WDR37: variants seen among roughly 807,000 people sequenced by gnomAD.
WDR37 encodes the protein WD repeat-containing protein 37.
WDR37 carries 19 observed loss-of-function variants against 62.9 expected under a neutral mutation model. The ratio of observed to expected loss-of-function variants is 0.30; its 90% confidence interval spans 0.21 to 0.44. WDR37 has a LOEUF of 0.44. Among genes scored for constraint, WDR37 ranks in the 20% least tolerant of loss-of-function variants. The pLI, the probability that WDR37 is intolerant of heterozygous loss-of-function variation, is 1.00. For missense variants in WDR37, 474 were observed against 657.6 expected (o/e 0.72, Z 3.05); for synonymous variants, 250 against 260.9 (o/e 0.96, Z 0.40).
At position 1,067,000 on chromosome 10, in the gene WDR37, C is replaced by T. The variant is rs182361025; in HGVS notation, c.-40-5116C>T. ...GCCCCTCCATGATTCAGTTACCTCC[C>T]ACTGGGTCCCTCCCACAACACATTG... On this transcript the variant is annotated intron_variant, in intron 1 of 13. Coordinates refer to ENST00000263150, the MANE Select transcript of WDR37 (RefSeq NM_014023.4). Among the ~76,000 whole-genome samples the T allele has an allele frequency of 1.6e-3, 248 of 152,324 alleles. 1 individual carries two copies. The highest frequency in any genetic ancestry group is 5.6e-3 in the African/African-American group (232 of 41,568).
At chr10:1,074,256 T>A in intron 2 of WDR37, 1 of 1,062,598 alleles carries the variant, frequency 9.4e-7, no homozygotes. Context: ...CCTGCTGGCA[T>A]GTTCTAGAGT....
intron 5 of WDR37, among the ~76,000 whole-genome samples, 179 bp downstream of exon 5, chr10:1,080,655 C>G (rs1833998908): frequency 6.6e-6 from 1 of 152,164 alleles, no homozygotes; most frequent in African/African-American, 2.4e-5. Context: ...CTTGTAATCC[C>G]AGCACTTTGG....
In WDR37 at chr10:1,056,795, C is replaced by G. The variant is rs533157869; in HGVS notation, c.-214C>G. 6.6e-6 allele frequency: 1 copy of G among 152,158 alleles called. No individual in the cohort carries two copies. Among genetic ancestry groups the G allele is most frequent in the East Asian group, 1.9e-4 (1 of 5,160 alleles). 9.4% of individuals were successfully genotyped at this position (152,158 alleles called of 1,614,324 possible). A position where few individuals can be genotyped will look rare whatever the true frequency, so the allele number is the denominator to read the frequency against. Reference sequence around the variant, plus strand: ...CGGCGCGGGACTGGGGCGGGACTTCCGGCGACACCGGAAGTGCATTAGCGC... The same window carrying G: ...CGGCGCGGGACTGGGGCGGGACTTCGGGCGACACCGGAAGTGCATTAGCGC... On this transcript the variant is annotated 5_prime_UTR_variant, in exon 1 of 14. Transcript: ENST00000263150.
rs745381967 is a variant in WDR37 at position 1,103,810 on chromosome 10, C to A, written c.935C>A (p.Thr312Lys). ...ACGGCAAACCTGTACGACGTGGAGA[C>A]GTCCGAGCTCGTTCACTCTCTGACA... is the stretch of plus-strand genomic sequence containing the variant. ...DRTANLYDVE[T>K]SELVHSLTGH... The change falls in exon 10 of 14, where the codon ACG (threonine) becomes AAG (lysine). Residue 312 changes from threonine to lysine, a missense_variant. Transcript: ENST00000263150. The surrounding 1 kb of genome is among the most constrained non-coding windows in gnomAD (Gnocchi z 6.3). The A allele has an allele frequency of 3.1e-6, 5 of 1,614,074 alleles. No individual in the cohort carries two copies. The African/African-American group carries it at 6.7e-5, about 22-fold the overall frequency.
intron 1 of WDR37, among the ~76,000 whole-genome samples, chr10:1,069,056 A>G (rs1161601119): frequency 6.6e-6 from 1 of 152,102 alleles, no homozygotes; most frequent in Non-Finnish European, 1.5e-5. Context: ...GGTGGGAGAA[A>G]TGAGGAGTGA....
chr10:1,078,194 C>T (rs1013506402), intron 3 of WDR37, among the ~76,000 whole-genome samples, 191 bp downstream of exon 3: 6 of 151,840 alleles, frequency 4.0e-5, no homozygotes, highest in African/African-American at 1.5e-4. Context: ...ACGAGGACTC[C>T]GTCTCAAAAG....
chr10:1,098,217 C>G (rs1834660378), intron 9 of WDR37, among the ~76,000 whole-genome samples: 1 of 152,032 alleles, frequency 6.6e-6, no homozygotes, highest in African/African-American at 2.4e-5. Flanking sequence ...AGGGGATGCC[C>G]TGATCCCATA....
At position 1,124,925 on chromosome 10, in the gene WDR37, C is replaced by G. The variant is rs370553333; in HGVS notation, c.1254C>G (p.Val418=). The change falls in exon 13 of 14, where the codon GTC becomes GTG. Residue 418 remains valine, a synonymous_variant. Transcript: ENST00000263150. Reference sequence around the variant, plus strand: ...TTCTTTGCAGGATCAATGTATGTGTCGGCCAAAAAATCATAGCCCTCCCCC... The same window carrying G: ...TTCTTTGCAGGATCAATGTATGTGTGGGCCAAAAAATCATAGCCCTCCCCC... ...DSAINRINVC[V]GQKIIALPHD... is the part of the protein sequence containing the mutation. 1.2e-6 allele frequency: 2 copies of G among 1,614,112 alleles called. No homozygotes were observed. The highest frequency in any genetic ancestry group is 2.7e-5 in the African/African-American group (2 of 75,010).
In WDR37 at chr10:1,056,878, G is replaced by C. The variant is rs1833193287; in HGVS notation, c.-131G>C. On this transcript the variant is annotated 5_prime_UTR_variant, in exon 1 of 14. Transcript: ENST00000263150. ...AGACAGCGGTGTCCTGCGCGTCTTC[G>C]GGTCAGTACGGGGGGCCGCGTCGTA... 1 of 152,200 alleles carries C rather than the reference G, an allele frequency of 6.6e-6. No homozygotes were observed. The highest frequency in any genetic ancestry group is 6.5e-5 in the Admixed American group (1 of 15,274). The allele number at this position is 152,200 out of a possible 1,614,324, so 9.4% of individuals were successfully genotyped here.
rs117832581 is a variant in WDR37, at chr10:1,084,151, G to A, written c.397-252G>A. On this transcript the variant is annotated intron_variant, in intron 5 of 13. Coordinates refer to ENST00000263150, the MANE Select transcript of WDR37 (RefSeq NM_014023.4). Reference sequence around the variant, plus strand: ...GCAGTGAGACCTTCCATGCCTGGCTGTCAGACTGAGGTGGGGGAGCCTGCA... The same window carrying A: ...GCAGTGAGACCTTCCATGCCTGGCTATCAGACTGAGGTGGGGGAGCCTGCA... Among the ~76,000 whole-genome samples, 49 of 152,312 alleles carry A rather than the reference G, an allele frequency of 3.2e-4. 2 individuals carry two copies. The East Asian group carries it at 9.3e-3, about 29-fold the overall frequency.
At chr10:1,108,738 T>TCC (rs1491455688) in intron 11 of WDR37, among the ~76,000 whole-genome samples, 1,022 of 59,568 alleles carry the variant, frequency 0.017, 52 homozygotes, top group East Asian at 0.033. Flanking sequence ...GCTTCTGTGA[T>TCC]GCCCCCCCCC....
intron 1 of WDR37, among the ~76,000 whole-genome samples, chr10:1,065,195 C>G (rs902320251): frequency 2.6e-5 from 4 of 152,096 alleles, no homozygotes; most frequent in Non-Finnish European, 5.9e-5. Context: ...GAATTTGAAG[C>G]ATAACCGTGG....
intron 2 of WDR37, among the ~76,000 whole-genome samples, chr10:1,073,743 G>T (rs1198630731): frequency 1.3e-5 from 2 of 152,162 alleles, no homozygotes; most frequent in African/African-American, 2.4e-5. Context: ...TCTGTCTGTG[G>T]CTCGCCGACA....
chr10:1,111,046 G>C (rs1411227077), intron 11 of WDR37, among the ~76,000 whole-genome samples: 1 of 152,238 alleles, frequency 6.6e-6, no homozygotes, highest in African/African-American at 2.4e-5. Context: ...ATGTAGGCTG[G>C]AAAGTTATAT....
intron 2 of WDR37, among the ~76,000 whole-genome samples, chr10:1,075,441 C>T (rs55701841): frequency 0.39 from 56,316 of 143,240 alleles, 11,985 homozygotes; most frequent in East Asian, 0.52. Flanking sequence ...AGCCCCCCAA[C>T]GCCCCGACAG....
At chr10:1,085,257 C>T (rs1178156442) in intron 6 of WDR37, among the ~76,000 whole-genome samples, 3 of 152,138 alleles carry the variant, frequency 2.0e-5, no homozygotes, top group African/African-American at 7.2e-5. Context: ...CAGGCGTGAG[C>T]CATCGTGCCT....
Position 1,111,996 on chromosome 10 carries a change from G to A in WDR37, c.1103+6729G>A, listed in dbSNP as rs577954539. ...GGCTCACTGCAACCTCCACCTCCTG[G>A]GTTCAAGCGATTCCCCTGCCTCAGC... On this transcript the variant is annotated intron_variant, in intron 11 of 13. Transcript: ENST00000263150. Among the ~76,000 whole-genome samples the A allele has an allele frequency of 1.2e-3, 183 of 152,104 alleles. 1 individual carries two copies. The highest frequency in any genetic ancestry group is 9.8e-3 in the South Asian group (47 of 4,820).
At position 1,124,205 on chromosome 10, in the gene WDR37, C is replaced by G; in HGVS notation, c.1104-13C>G. ...CCTGCTGTTGCATCTGACTCTGTGC[C>G]CTTTGTTCATAGCACTGTGACTTCT... is the stretch of plus-strand genomic sequence containing the variant. On this transcript the variant is annotated splice_polypyrimidine_tract_variant and intron_variant, in intron 11 of 13. Transcript: ENST00000263150. 5 of 1,614,084 alleles carry G rather than the reference C, an allele frequency of 3.1e-6. No homozygotes were observed. Among genetic ancestry groups the G allele is most frequent in the Non-Finnish European group, 4.2e-6 (5 of 1,180,006 alleles).
intron 1 of WDR37, among the ~76,000 whole-genome samples, chr10:1,063,548 G>A (rs1833439662): frequency 6.6e-6 from 1 of 152,204 alleles, no homozygotes. Flanking sequence ...CCTCTCTGCA[G>A]GGTTGCTGTC....
Sources: allele counts gnomAD v4.1 joint callset (sites outside exome capture counted in the v4.1 genomes callset), GRCh38; gene constraint gnomAD v4.1.1; non-coding constraint Gnocchi (gnomAD v3.1); transcripts MANE v1.5; gene names NCBI Gene and HGNC (gene_info 2026-07-23, HGNC 2026-07-21).